The following MAGI2 variants were observed in gnomAD, a reference collection of about 807,000 sequenced individuals.
MAGI2 encodes the protein membrane associated guanylate kinase, WW and PDZ domain containing 2, also known as membrane-associated guanylate kinase, WW and PDZ domain-containing protein 2.
A neutral mutation model predicts 133.3 loss-of-function variants in MAGI2; 35 were observed. The ratio of observed to expected loss-of-function variants is 0.26; its 90% CI spans 0.20 to 0.35. MAGI2 has a LOEUF of 0.35. Among genes scored for constraint, MAGI2 ranks in the 10% least tolerant of loss-of-function variants. The pLI is 1.00. For missense variants in MAGI2, 1,636 were observed against 1,863.4 expected, an observed-to-expected ratio of 0.88 and a Z score of 2.25; for synonymous variants, 729 against 710.6, an observed-to-expected ratio of 1.03 and a Z score of -0.41.
At chr7:78,575,824 G>A (rs1426961737) in intron 3 of MAGI2, among the ~76,000 whole-genome samples, 1 of 151,900 alleles carries the variant, frequency 6.6e-6, no homozygotes, top group Non-Finnish European at 1.5e-5. Flanking sequence ...ACAATCTAAG[G>A]GACATAATAA....
chr7:78,347,812 C>T (rs1424504488), intron 7 of MAGI2, among the ~76,000 whole-genome samples: 3 of 152,134 alleles, frequency 2.0e-5, no homozygotes, highest in Non-Finnish European at 2.9e-5. Flanking sequence ...AAATTATTTT[C>T]CCACTGGAAA....
chr7:78,458,638 G>GTT (rs201088493), intron 6 of MAGI2, among the ~76,000 whole-genome samples: 24,249 of 134,706 alleles, frequency 0.18, 2,049 homozygotes, highest in Middle Eastern at 0.24. Flanking sequence ...TTTTTTGTTA[G>GTT]GTTTTTTTTT....
intron 12 of MAGI2, among the ~76,000 whole-genome samples, chr7:78,189,027 C>T (rs993721705): frequency 5.3e-5 from 8 of 152,220 alleles, no homozygotes; most frequent in African/African-American, 1.7e-4. Context: ...TTACAGTACC[C>T]CATCCTTTCA....
At chr7:78,914,102 C>G (rs1798611552) in intron 2 of MAGI2, among the ~76,000 whole-genome samples, 1 of 152,196 alleles carries the variant, frequency 6.6e-6, no homozygotes, top group African/African-American at 2.4e-5. Context: ...TCAAATTACT[C>G]ACAAAGCCTC....
chr7:79,024,143 C>A (rs1363775991), intron 1 of MAGI2, among the ~76,000 whole-genome samples: 1 of 152,030 alleles, frequency 6.6e-6, no homozygotes, highest in Non-Finnish European at 1.5e-5. Flanking sequence ...GACATAGAGA[C>A]CAATGGAACA....
chr7:78,795,803 A>G (rs1363992237), intron 2 of MAGI2, among the ~76,000 whole-genome samples: 1 of 152,110 alleles, frequency 6.6e-6, no homozygotes, highest in African/African-American at 2.4e-5. Flanking sequence ...ATATAGACCA[A>G]TGGAACAGAA....
rs896394727 is a variant in MAGI2, at chr7:78,900,145, C to T, written c.418+106945G>A. Among the ~76,000 whole-genome samples, 6 of 152,150 alleles carry T rather than the reference C, an allele frequency of 3.9e-5. No individual in the cohort carries two copies. In the East Asian group the frequency reaches 1.2e-3, roughly 29 times the overall value. On this transcript the variant is annotated intron_variant, in intron 2 of 21. Coordinates refer to ENST00000354212, the MANE Select transcript of MAGI2 (RefSeq NM_012301.4). The stretch of plus-strand genomic sequence containing the variant: ...GTGAATCCTCATTTCCACCAAGTTC[C>T]ATTGCTGCCACTCACGTCCAAACCA...
intron 2 of MAGI2, among the ~76,000 whole-genome samples, chr7:78,913,236 G>A (rs1387482827): frequency 1.3e-5 from 2 of 152,104 alleles, no homozygotes; most frequent in African/African-American, 4.8e-5. Context: ...GGCCTGATGG[G>A]AGGTGATTGG....
chr7:78,623,070 C>A (rs970917812), intron 3 of MAGI2, among the ~76,000 whole-genome samples: 1 of 151,806 alleles, frequency 6.6e-6, no homozygotes, highest in Non-Finnish European at 1.5e-5. Context: ...TGAATTGGAA[C>A]CTAAAGTTTA....
chr7:78,502,809 A>G (rs1177353704), intron 4 of MAGI2, among the ~76,000 whole-genome samples: 1 of 152,152 alleles, frequency 6.6e-6, no homozygotes, highest in Non-Finnish European at 1.5e-5. Flanking sequence ...AAGATCCCCA[A>G]CATATAAACA....
intron 1 of MAGI2, among the ~76,000 whole-genome samples, chr7:79,039,542 TA>T (rs1184584176): frequency 2.0e-5 from 3 of 151,618 alleles, no homozygotes; most frequent in Non-Finnish European, 2.9e-5. Context: ...TCTGTATAGC[TA>T]GGGAAACAAT....
intron 1 of MAGI2, among the ~76,000 whole-genome samples, chr7:79,089,311 C>T (rs956198969): frequency 6.6e-6 from 1 of 152,058 alleles, no homozygotes; most frequent in Non-Finnish European, 1.5e-5. Context: ...ACAACAGATG[C>T]TGGAGAGGAT....
At chr7:78,789,510 T>C (rs1460302713) in intron 2 of MAGI2, among the ~76,000 whole-genome samples, 1 of 150,542 alleles carries the variant, frequency 6.6e-6, no homozygotes, top group African/African-American at 2.4e-5. Context: ...AGTAATTCTT[T>C]CCAGCTCTTC....
At chr7:78,553,042 T>G (rs1799488921) in intron 3 of MAGI2, among the ~76,000 whole-genome samples, 2 of 147,526 alleles carry the variant, frequency 1.4e-5, no homozygotes, top group African/African-American at 5.1e-5. Context: ...TTAAAAACTG[T>G]AAGAGGCAGA....
At chr7:78,244,538 A>G (rs544914555) in intron 10 of MAGI2, among the ~76,000 whole-genome samples, 1 of 152,326 alleles carries the variant, frequency 6.6e-6, no homozygotes, top group South Asian at 2.1e-4. Flanking sequence ...TAATTAAATT[A>G]TTTCTCAGCA....
At chr7:78,032,669 C>CT (rs1409785642) in intron 21 of MAGI2, among the ~76,000 whole-genome samples, 1 of 151,998 alleles carries the variant, frequency 6.6e-6, no homozygotes, top group East Asian at 1.9e-4. Flanking sequence ...AATAGAAAGT[C>CT]TGATATGGAT....
chr7:78,411,397 T>C (rs1797861088), intron 6 of MAGI2, among the ~76,000 whole-genome samples: 1 of 152,062 alleles, frequency 6.6e-6, no homozygotes, highest in African/African-American at 2.4e-5. Context: ...AAACATGGCA[T>C]CATCAAATGC....
intron 3 of MAGI2, among the ~76,000 whole-genome samples, chr7:78,560,303 A>G (rs1464087134): frequency 6.6e-6 from 1 of 152,194 alleles, no homozygotes; most frequent in Non-Finnish European, 1.5e-5. Context: ...CAGATGTCCA[A>G]CTGACATTTG....
chr7:78,419,309 C>T (rs17150696), intron 6 of MAGI2, among the ~76,000 whole-genome samples: 22,347 of 152,086 alleles, frequency 0.15, 1,768 homozygotes, highest in African/African-American at 0.22. Flanking sequence ...CTGCTGAGCT[C>T]ATACTAAGGG....
Sources: allele counts gnomAD v4.1 joint callset (sites outside exome capture counted in the v4.1 genomes callset), GRCh38; gene constraint gnomAD v4.1.1; transcripts MANE v1.5; gene names NCBI Gene and HGNC (gene_info 2026-07-23, HGNC 2026-07-21).